Variants in ABCG8 observed in about 807,000 individuals in gnomAD.
ABCG8 encodes the protein ATP-binding cassette sub-family G member 8.
Under a neutral mutation model 71.3 loss-of-function variants are expected in ABCG8, and 81 were observed. The ratio of observed to expected loss-of-function variants is 1.14; its 90% CI spans 0.95 to 1.37. ABCG8 has a LOEUF of 1.37. Ranked by LOEUF, ABCG8 falls within the 40% of genes most tolerant of loss-of-function variation. The pLI is 0.00. For synonymous variants in ABCG8, 451 were observed against 354.7 expected (o/e 1.27, Z -3.05); for missense variants, 1,119 against 866.2 (o/e 1.29, Z -3.66).
intron 6 of ABCG8, among the ~76,000 whole-genome samples, chr2:43,867,875 A>T (rs187147047): frequency 6.6e-6 from 1 of 152,032 alleles, no homozygotes; most frequent in African/African-American, 2.4e-5. Context: ...CACCCTCTGG[A>T]TAGAACTCTC....
At chr2:43,856,335 TGTCTGGATAGAACTCTCACAC>T in intron 6 of ABCG8, among the ~76,000 whole-genome samples, 1 of 135,732 alleles carries the variant, frequency 7.4e-6, no homozygotes, top group Non-Finnish European at 1.6e-5. Context: ...TCTCACTCCC[TGTCTGGATAGAACTCTCACAC>T]CCTGTCTGGA....
At chr2:43,870,716 T>A (rs1443345110) in intron 6 of ABCG8, among the ~76,000 whole-genome samples, 1 of 151,860 alleles carries the variant, frequency 6.6e-6, no homozygotes, top group Non-Finnish European at 1.5e-5. Flanking sequence ...ACTCTCACTA[T>A]CTGTCTGGAA....
Position 43,874,467 on chromosome 2 carries a change from C to T in ABCG8, c.1472C>T (p.Pro491Leu), listed in dbSNP as rs1195164493. ...ELEDGLYTTG[P>L]YFFAKILGEL... is the part of the protein sequence containing the mutation. ...GAAGACGGGCTGTACACCACTGGTCCATATTTCTTTGCCAAGGTGACTGGG... is the reference window on the plus strand; with the variant it reads ...GAAGACGGGCTGTACACCACTGGTCTATATTTCTTTGCCAAGGTGACTGGG... The change falls in exon 10 of 13, where the codon CCA (proline) becomes CTA (leucine). Residue 491 changes from proline to leucine, a missense_variant. Transcript: ENST00000272286. 6.2e-7 allele frequency: 1 copy of T among 1,613,644 alleles called. No individual in the cohort carries two copies. Among genetic ancestry groups the T allele is most frequent in the Non-Finnish European group, 8.5e-7 (1 of 1,179,794 alleles).
At chr2:43,868,456 A>G (rs935880221) in intron 6 of ABCG8, among the ~76,000 whole-genome samples, 3 of 151,258 alleles carry the variant, frequency 2.0e-5, no homozygotes, top group African/African-American at 7.3e-5. Flanking sequence ...CGCACTATCT[A>G]TCTGGATAGA....
intron 6 of ABCG8, among the ~76,000 whole-genome samples, chr2:43,865,820 G>C (rs4245793): frequency 0.44 from 66,358 of 151,506 alleles, 15,285 homozygotes; most frequent in East Asian, 0.86. Context: ...TATCTGTCTA[G>C]ATAGATCTCT....
At chr2:43,857,940 C>T (rs1019280583) in intron 6 of ABCG8, among the ~76,000 whole-genome samples, 1 of 151,642 alleles carries the variant, frequency 6.6e-6, no homozygotes, top group Non-Finnish European at 1.5e-5. Flanking sequence ...AGAACTCTCA[C>T]TATCTGGGTA....
intron 1 of ABCG8, among the ~76,000 whole-genome samples, chr2:43,844,034 C>A (rs1668661065): frequency 6.6e-6 from 1 of 152,168 alleles, no homozygotes; most frequent in Non-Finnish European, 1.5e-5. Flanking sequence ...CATTAACTCT[C>A]AACAGCTGCT....
chr2:43,839,040 G>A lies in ABCG8; in HGVS notation c.-14G>A. On this transcript the variant is annotated 5_prime_UTR_variant, in exon 1 of 13. Transcript: ENST00000272286. The stretch of plus-strand genomic sequence containing the variant: ...AAGAGAGCTGCAGCCCAGGGTCACA[G>A]ACCTGTGGGCCCCATGGCCGGGAAG... The A allele has an allele frequency of 6.4e-7, 1 of 1,550,660 alleles. No individual in the cohort carries two copies. The highest frequency in any genetic ancestry group is 8.7e-7 in the Non-Finnish European group (1 of 1,146,622).
chr2:43,847,895 G>A (rs1668794961), intron 3 of ABCG8: 1 of 151,728 alleles, frequency 6.6e-6, no homozygotes, highest in African/African-American at 2.4e-5. Flanking sequence ...CAAGTAGCTG[G>A]GATTACAGGT....
intron 6 of ABCG8, among the ~76,000 whole-genome samples, chr2:43,856,459 T>C (rs1017554562): frequency 9.2e-5 from 14 of 152,050 alleles, no homozygotes; most frequent in Non-Finnish European, 1.5e-4. Context: ...GATAGAACTC[T>C]CACTATCTGG....
intron 3 of ABCG8, chr2:43,848,472 A>G (rs1259167906): frequency 6.6e-6 from 1 of 152,190 alleles, no homozygotes; most frequent in South Asian, 2.1e-4. Context: ...TCTCTGTCTT[A>G]AGAGAATATA....
At chr2:43,877,210 C>G (rs974723159) in intron 11 of ABCG8, among the ~76,000 whole-genome samples, 2 of 144,152 alleles carry the variant, frequency 1.4e-5, no homozygotes, top group African/African-American at 5.2e-5. Flanking sequence ...ATGGGGAGAC[C>G]ATGGGAATAT....
At chr2:43,862,642 A>T (rs1017237652) in intron 6 of ABCG8, among the ~76,000 whole-genome samples, 3 of 150,440 alleles carry the variant, frequency 2.0e-5, no homozygotes, top group African/African-American at 7.3e-5. Flanking sequence ...ATCTGGATAG[A>T]ATTCTCACTA....
chr2:43,850,903 C>G (rs1668892592), intron 3 of ABCG8, among the ~76,000 whole-genome samples: 1 of 142,058 alleles, frequency 7.0e-6, no homozygotes, highest in African/African-American at 2.6e-5. Context: ...GAGTGGGACT[C>G]TGTCTCAAAA....
At position 43,880,255 on chromosome 2, in the gene ABCG8, C is replaced by A. The variant is rs1237060275; in HGVS notation, c.*2342C>A. 11 of 150,174 alleles carry A rather than the reference C, an allele frequency of 7.3e-5. No individual in the cohort carries two copies. Among genetic ancestry groups the A allele is most frequent in the African/African-American group, 2.7e-4 (11 of 40,486 alleles). 9.3% of individuals were successfully genotyped at this position (150,174 alleles called of 1,614,324 possible). On this transcript the variant is annotated 3_prime_UTR_variant, in exon 13 of 13. Transcript: ENST00000272286. ...ATGGCGCGATCTCGGCTCACTGCAA[C>A]CTCTGCCTCCCAGGTTCAAGCGATT...
chr2:43,877,620 A>G lies in ABCG8; in HGVS notation c.1816A>G (p.Ile606Val), dbSNP rs1381705606. ...GTGGTGTTTTGAAGGGCTGATGAAG[A>G]TTCAGTTCAGCAGAAGAACTTATAA... ...LRWCFEGLMK[I>V]QFSRRTYKMP... Residue 606 changes from isoleucine (I) to valine (V), a missense_variant, in exon 12 of 13, where the codon ATT (isoleucine) becomes GTT (valine). By Grantham distance (29) the Ile-to-Val change is conservative. Transcript: ENST00000272286. 1.2e-6 allele frequency: 2 copies of G among 1,614,004 alleles called. No homozygotes were observed. Among genetic ancestry groups the G allele is most frequent in the South Asian group, 2.2e-5 (2 of 91,082 alleles).
intron 1 of ABCG8, among the ~76,000 whole-genome samples, 173 bp downstream of exon 1, chr2:43,839,289 A>T (rs867776609): frequency 9.2e-5 from 14 of 151,992 alleles, no homozygotes; most frequent in Middle Eastern, 3.4e-3. Context: ...GAACAGATTC[A>T]GGGTCCCAGA....
chr2:43,861,260 T>C (rs1297670877), intron 6 of ABCG8, among the ~76,000 whole-genome samples: 1 of 150,662 alleles, frequency 6.6e-6, no homozygotes, highest in Admixed American at 6.6e-5. Flanking sequence ...ATAGAACTCT[T>C]ACTACTTGGA....
chr2:43,852,924 T>G (rs542514568), intron 6 of ABCG8, 56 bp downstream of exon 6: 1 of 1,596,810 alleles, frequency 6.3e-7, no homozygotes, highest in African/African-American at 1.4e-5. Context: ...CCCCGATGCT[T>G]AAACCCTGCC....
Sources: gnomAD v4.1 joint callset for allele counts (sites outside exome capture counted in the v4.1 genomes callset) on GRCh38, gnomAD v4.1.1 for gene constraint, MANE v1.5 for transcripts, NCBI Gene and HGNC (gene_info 2026-07-23, HGNC 2026-07-21) for gene names.